The following FBN1 variants were observed in gnomAD, a reference collection of about 807,000 sequenced individuals.
The protein encoded by FBN1 is fibrillin-1.
FBN1 carries 29 observed loss-of-function variants against 365.1 expected under a neutral mutation model. The ratio of observed to expected loss-of-function variants is 0.08; its 90% confidence interval spans 0.06 to 0.11. The LOEUF is 0.11. Ranked by LOEUF, FBN1 falls within the 10% of genes least tolerant of loss-of-function variation. FBN1 has a pLI of 1.00. For synonymous variants in FBN1, 1,210 were observed against 1,270.5 expected (o/e 0.95, Z 1.01); for missense variants, 2,476 against 3,703.2 (o/e 0.67, Z 8.60).
Position 48,520,808 on chromosome 15 carries a change from G to A in FBN1, c.998C>T (p.Pro333Leu). The A allele has an allele frequency of 6.2e-7, 1 of 1,614,102 alleles. No individual in the cohort carries two copies. Among genetic ancestry groups the A allele is most frequent in the Non-Finnish European group, 8.5e-7 (1 of 1,180,030 alleles). Residue 333 changes from proline (P) to leucine (L), a missense_variant, in exon 10 of 66, where the codon CCA becomes CTA. By Grantham distance (98) the Pro-to-Leu change is moderately conservative. This residue lies in a region of FBN1 where 421 missense variants were observed against 520.1 expected (regional missense o/e 0.81). Coordinates refer to ENST00000316623, the MANE Select transcript of FBN1 (RefSeq NM_000138.5). The stretch of plus-strand genomic sequence containing the variant: ...TGTCAGAGCTGTGTAACAGTATCCT[G>A]GGCGAACATCTGAGGACAAAGAAAC... ...PDGTRCIDVR[P>L]GYCYTALTNG...
At chr15:48,551,554 G>A (rs13379936) in intron 6 of FBN1, among the ~76,000 whole-genome samples, 3,492 of 150,582 alleles carry the variant, frequency 0.023, 152 homozygotes, top group African/African-American at 0.082. Flanking sequence ...GGGTACAAGC[G>A]CAGGTTTGTT....
At chr15:48,625,890 T>C (rs905899440) in intron 2 of FBN1, among the ~76,000 whole-genome samples, 3 of 152,212 alleles carry the variant, frequency 2.0e-5, no homozygotes, top group Non-Finnish European at 4.4e-5. Flanking sequence ...GATTTATCTT[T>C]ACAATCCCAG....
intron 6 of FBN1, among the ~76,000 whole-genome samples, chr15:48,554,950 G>C (rs2141377422): frequency 6.6e-6 from 1 of 152,224 alleles, no homozygotes; most frequent in East Asian, 1.9e-4. Flanking sequence ...CTATGACAAT[G>C]ATATTTTCAA....
intron 32 of FBN1, 79 bp from the exon 33 acceptor site, chr15:48,474,729 T>C (rs756898667): frequency 6.3e-7 from 1 of 1,588,680 alleles, no homozygotes; most frequent in Non-Finnish European, 8.6e-7. Flanking sequence ...TATTCAAAAG[T>C]TGACTTGCCT....
At chr15:48,421,440 T>C (rs1376244642) in intron 62 of FBN1, 118 bp downstream of exon 62, 139 of 1,236,296 alleles carry the variant, frequency 1.1e-4, no homozygotes, top group Non-Finnish European at 1.6e-4. Flanking sequence ...TTTAGCTGAG[T>C]GCCCCCCTGG....
intron 2 of FBN1, among the ~76,000 whole-genome samples, chr15:48,635,565 A>G (rs1890077013): frequency 6.6e-6 from 1 of 152,254 alleles, no homozygotes; most frequent in African/African-American, 2.4e-5. Flanking sequence ...CAACAGATAC[A>G]TACATTTGAG....
At chr15:48,467,865 G>C (rs763729288) in intron 38 of FBN1, 73 bp downstream of exon 38, 43 of 1,342,020 alleles carry the variant, frequency 3.2e-5, no homozygotes, top group Non-Finnish European at 4.3e-5. Context: ...GAGTAGAAAA[G>C]GTTTGTCTTC....
chr15:48,492,940 G>A (rs569032933), intron 23 of FBN1, among the ~76,000 whole-genome samples: 1 of 152,216 alleles, frequency 6.6e-6, no homozygotes, highest in Non-Finnish European at 1.5e-5. Flanking sequence ...GAAATGAGTA[G>A]AGAAGCAAAA....
At chr15:48,517,339 G>T (rs577486108) in intron 10 of FBN1, among the ~76,000 whole-genome samples, 1 of 152,226 alleles carries the variant, frequency 6.6e-6, no homozygotes, top group East Asian at 1.9e-4. Context: ...GGAAGAGAAG[G>T]GAGTGCAAAG....
chr15:48,444,910 T>C (rs2043141708), intron 48 of FBN1, among the ~76,000 whole-genome samples: 1 of 76,688 alleles, frequency 1.3e-5, no homozygotes. Context: ...TTGTAGCATG[T>C]GAAAAGTCAG....
At chr15:48,632,097 T>G (rs1046221446) in intron 2 of FBN1, among the ~76,000 whole-genome samples, 6 of 152,308 alleles carry the variant, frequency 3.9e-5, no homozygotes, top group African/African-American at 1.4e-4. Flanking sequence ...CAACACAATT[T>G]AGGGAAAGAG....
At chr15:48,545,091 C>T (rs2044084648) in intron 6 of FBN1, among the ~76,000 whole-genome samples, 1 of 152,124 alleles carries the variant, frequency 6.6e-6, no homozygotes, top group South Asian at 2.1e-4. Flanking sequence ...AAGACAAAAA[C>T]AATAATATTG....
At chr15:48,511,658 T>C (rs1276505783) in intron 13 of FBN1, among the ~76,000 whole-genome samples, 2 of 152,206 alleles carry the variant, frequency 1.3e-5, no homozygotes, top group Non-Finnish European at 2.9e-5. Flanking sequence ...GCACAGCCTT[T>C]TGGACCATTC....
In FBN1 at chr15:48,553,873, T is replaced by C. The variant is rs1399086325; in HGVS notation, c.539-16065A>G. On this transcript the variant is annotated intron_variant, in intron 6 of 65. Coordinates refer to ENST00000316623, the MANE Select transcript of FBN1 (RefSeq NM_000138.5). ...TATTTTAGAATTGGAAGGAAACTTA[T>C]AGAAGAAGAAAAAGAAAATGAGCAT... 7.2e-5 allele frequency among the ~76,000 whole-genome samples: 11 copies of C among 152,280 alleles called. No homozygotes were observed. In the South Asian group the frequency reaches 1.9e-3, roughly 26 times the overall value.
intron 6 of FBN1, among the ~76,000 whole-genome samples, chr15:48,556,375 A>T (rs1275448611): frequency 6.6e-6 from 1 of 152,208 alleles, no homozygotes; most frequent in African/African-American, 2.4e-5. Context: ...TGCCAGCCAA[A>T]TATGAGCTCG....
chr15:48,427,161 A>C (rs1314592346), intron 58 of FBN1, among the ~76,000 whole-genome samples: 3 of 152,166 alleles, frequency 2.0e-5, no homozygotes, highest in Non-Finnish European at 4.4e-5. Flanking sequence ...TATCAGCATG[A>C]TTTATACTTC....
Position 48,613,100 on chromosome 15 carries a change from A to C in FBN1, c.165-8T>G, listed in dbSNP as rs750029122. ...GATCCACAGACATTGGGTCTAAAAC[A>C]AAAACAGAAGAATTCCATACTTTAA... On this transcript the variant is annotated splice_polypyrimidine_tract_variant and splice_region_variant and intron_variant, in intron 2 of 65. Transcript: ENST00000316623. 11 of 1,602,980 alleles carry C rather than the reference A, an allele frequency of 6.9e-6. No individual in the cohort carries two copies. The highest frequency in any genetic ancestry group is 1.1e-5 in the South Asian group (1 of 90,870).
At chr15:48,453,187 T>C (rs376782831) in intron 44 of FBN1, among the ~76,000 whole-genome samples, 3 of 150,502 alleles carry the variant, frequency 2.0e-5, no homozygotes, top group East Asian at 3.9e-4. Context: ...GCCTGGGAGA[T>C]GGAGGTAGCA....
At chr15:48,495,344 G>C (rs899490442) in intron 21 of FBN1, 84 bp from the exon 22 acceptor site, 7 of 1,594,978 alleles carry the variant, frequency 4.4e-6, no homozygotes, top group Non-Finnish European at 6.0e-6. Flanking sequence ...AATAGCATTT[G>C]AAACAAGGAA....
Sources: allele counts gnomAD v4.1 joint callset (sites outside exome capture counted in the v4.1 genomes callset), GRCh38; gene constraint gnomAD v4.1.1; regional missense constraint gnomAD v4.1.1; transcripts MANE v1.5; gene names NCBI Gene and HGNC (gene_info 2026-07-23, HGNC 2026-07-21).